ROBO1: variants seen among roughly 807,000 people sequenced by gnomAD.
ROBO1 encodes roundabout guidance receptor 1, also known as roundabout homolog 1.
ROBO1 carries 149 observed loss-of-function variants against 195.9 expected under a neutral mutation model. That is an observed-to-expected ratio of 0.76 (90% CI 0.67 to 0.87). The LOEUF is 0.87. ROBO1 is among the 40% of genes least tolerant of loss of function. The pLI, the probability that ROBO1 is intolerant of heterozygous loss-of-function variation, is 0.00. For missense variants in ROBO1, 1,933 were observed against 2,068.3 expected, an observed-to-expected ratio of 0.93 and a Z score of 1.27; for synonymous variants, 816 against 733.2, an observed-to-expected ratio of 1.11 and a Z score of -1.82.
intron 5 of ROBO1, among the ~76,000 whole-genome samples, chr3:78,737,870 A>T (rs1440145087): frequency 6.6e-6 from 1 of 152,196 alleles, no homozygotes; most frequent in Non-Finnish European, 1.5e-5. Context: ...AACCCCAAAA[A>T]AATCTATTTC....
intron 3 of ROBO1, among the ~76,000 whole-genome samples, chr3:79,002,800 A>C (rs2077536108): frequency 6.6e-6 from 1 of 152,204 alleles, no homozygotes; most frequent in Middle Eastern, 3.4e-3. Context: ...GGATTCAAAA[A>C]CATTTTCAAC....
At chr3:78,937,936 C>T (rs1489840264) in intron 4 of ROBO1, 1 of 151,980 alleles carries the variant, frequency 6.6e-6, no homozygotes, top group Admixed American at 6.6e-5. Flanking sequence ...AAATCCCACA[C>T]TATCTTATTT....
At chr3:79,648,896 G>A (rs1945915163) in intron 1 of ROBO1, among the ~76,000 whole-genome samples, 1 of 152,050 alleles carries the variant, frequency 6.6e-6, no homozygotes, top group South Asian at 2.1e-4. Context: ...GGCCATATTA[G>A]AAAGCATGTG....
At chr3:79,224,624 C>A (rs1006989541) in intron 2 of ROBO1, among the ~76,000 whole-genome samples, 1 of 152,150 alleles carries the variant, frequency 6.6e-6, no homozygotes, top group African/African-American at 2.4e-5. Flanking sequence ...CCTGGAGGGT[C>A]CCGCATTTAT....
chr3:79,294,057 CAAAA>C (rs71631641), intron 2 of ROBO1, among the ~76,000 whole-genome samples: 37 of 29,044 alleles, frequency 1.3e-3, no homozygotes, highest in Non-Finnish European at 2.3e-3. Context: ...GACTCCATCT[CAAAA>C]AAAAAAAAAA....
At chr3:78,607,974 G>A (rs1403239088) in intron 28 of ROBO1, among the ~76,000 whole-genome samples, 1 of 150,494 alleles carries the variant, frequency 6.6e-6, no homozygotes, top group Non-Finnish European at 1.5e-5. Flanking sequence ...GTACCCAGAG[G>A]TTTTAAACCA....
At chr3:79,502,033 C>T (rs1416798987) in intron 2 of ROBO1, among the ~76,000 whole-genome samples, 1 of 151,800 alleles carries the variant, frequency 6.6e-6, no homozygotes, top group African/African-American at 2.4e-5. Flanking sequence ...CCTTTCCTTA[C>T]CTTAGTGGAA....
intron 2 of ROBO1, among the ~76,000 whole-genome samples, chr3:79,178,415 A>C (rs2081289989): frequency 6.6e-6 from 1 of 152,232 alleles, no homozygotes; most frequent in African/African-American, 2.4e-5. Flanking sequence ...AATAGGAATT[A>C]GTACCCTGGG....
intron 3 of ROBO1, 96 bp downstream of exon 3, chr3:79,125,360 A>G: frequency 1.0e-6 from 1 of 957,398 alleles, no homozygotes; most frequent in Non-Finnish European, 1.6e-6. Context: ...AGCTGGAAGC[A>G]GGGATGATTC....
At chr3:79,726,701 C>A (rs952152073) in intron 1 of ROBO1, among the ~76,000 whole-genome samples, 19 of 152,108 alleles carry the variant, frequency 1.2e-4, no homozygotes, top group African/African-American at 3.6e-4. Flanking sequence ...TTTGCTGGTG[C>A]TTTTAGTTAA....
intron 10 of ROBO1, among the ~76,000 whole-genome samples, chr3:78,675,808 T>A (rs946238913): frequency 4.6e-5 from 7 of 152,076 alleles, no homozygotes; most frequent in African/African-American, 1.7e-4. Flanking sequence ...GTCTGACAGC[T>A]TTGAAGAGAG....
chr3:79,403,172 A>C (rs1165031277), intron 2 of ROBO1, among the ~76,000 whole-genome samples: 1 of 151,940 alleles, frequency 6.6e-6, no homozygotes, highest in African/African-American at 2.4e-5. Flanking sequence ...TGCTGTAACA[A>C]GGCTCGATAT....
chr3:79,295,135 A>T (rs962720836), intron 2 of ROBO1, among the ~76,000 whole-genome samples: 8 of 152,198 alleles, frequency 5.3e-5, no homozygotes, highest in African/African-American at 1.4e-4. Context: ...TCTACTATAA[A>T]GACACATGCA....
intron 19 of ROBO1, among the ~76,000 whole-genome samples, chr3:78,649,561 C>T (rs570317645): frequency 6.6e-6 from 1 of 152,208 alleles, no homozygotes; most frequent in Non-Finnish European, 1.5e-5. Context: ...GGCTCTTTTA[C>T]ATTTTTTATT....
intron 2 of ROBO1, among the ~76,000 whole-genome samples, chr3:79,455,621 T>C (rs906766918): frequency 5.9e-5 from 9 of 152,072 alleles, no homozygotes; most frequent in Non-Finnish European, 1.2e-4. Context: ...TGATTGTAGA[T>C]ACAGGGAAGA....
At chr3:79,141,527 T>C (rs2080525633) in intron 2 of ROBO1, among the ~76,000 whole-genome samples, 1 of 151,510 alleles carries the variant, frequency 6.6e-6, no homozygotes, top group African/African-American at 2.4e-5. Context: ...TCCATTGATT[T>C]CCTCTCAGTG....
chr3:78,907,781 A>G (rs531906589), intron 4 of ROBO1, among the ~76,000 whole-genome samples: 4 of 152,174 alleles, frequency 2.6e-5, no homozygotes, highest in South Asian at 2.1e-4. Flanking sequence ...TCTTCATTTC[A>G]CAACATGTGA....
intron 2 of ROBO1, among the ~76,000 whole-genome samples, chr3:79,243,437 T>C (rs1576865809): frequency 6.6e-6 from 1 of 152,140 alleles, no homozygotes; most frequent in Non-Finnish European, 1.5e-5. Flanking sequence ...TGAACTAGTT[T>C]ACAGTCCCAC....
intron 4 of ROBO1, among the ~76,000 whole-genome samples, chr3:78,799,797 C>G (rs2084309027): frequency 6.6e-6 from 1 of 152,174 alleles, no homozygotes; most frequent in East Asian, 1.9e-4. Flanking sequence ...ACTTCTACCT[C>G]CTTGGCTCCC....
Sources: allele counts gnomAD v4.1 joint callset (sites outside exome capture counted in the v4.1 genomes callset), GRCh38; gene constraint gnomAD v4.1.1; transcripts MANE v1.5; gene names NCBI Gene and HGNC (gene_info 2026-07-23, HGNC 2026-07-21).